The following FOXP1 variants were observed in gnomAD, a reference collection of about 807,000 sequenced individuals.
FOXP1 encodes forkhead box protein P1.
Under a neutral mutation model 98.2 loss-of-function variants are expected in FOXP1, and 15 were observed. The observed-to-expected ratio is 0.15, with a 90% CI of 0.10 to 0.24. FOXP1 has a LOEUF of 0.24. Ranked by LOEUF, FOXP1 falls within the 10% of genes least tolerant of loss-of-function variation. The pLI is 1.00. For synonymous variants in FOXP1, 371 were observed against 314.5 expected, an observed-to-expected ratio of 1.18 and a Z score of -1.90; for missense variants, 633 against 848.5, an observed-to-expected ratio of 0.75 and a Z score of 3.15.
At chr3:71,145,230 T>C (rs2060252271) in intron 6 of FOXP1, among the ~76,000 whole-genome samples, 1 of 152,146 alleles carries the variant, frequency 6.6e-6, no homozygotes, top group African/African-American at 2.4e-5. Context: ...TTTTATTTAT[T>C]TATTTTTTTT....
At chr3:71,325,468 T>C (rs1025424397) in intron 4 of FOXP1, among the ~76,000 whole-genome samples, 9 of 126,158 alleles carry the variant, frequency 7.1e-5, no homozygotes, top group African/African-American at 2.4e-4. Flanking sequence ...TATGCCATCC[T>C]TCTATGGTTT....
chr3:71,177,962 A>C (rs2062044321), intron 6 of FOXP1, among the ~76,000 whole-genome samples: 1 of 145,438 alleles, frequency 6.9e-6, no homozygotes, highest in Non-Finnish European at 1.5e-5. Context: ...CAGCCTTCCT[A>C]GTATCTGGGA....
intron 5 of FOXP1, among the ~76,000 whole-genome samples, chr3:71,232,279 C>G (rs1288814): frequency 6.6e-6 from 1 of 152,016 alleles, no homozygotes; most frequent in African/African-American, 2.4e-5. Flanking sequence ...CAAGTGCTAT[C>G]GATTATCAGT....
At chr3:71,527,953 G>A (rs560127783) in intron 2 of FOXP1, among the ~76,000 whole-genome samples, 27 of 152,290 alleles carry the variant, frequency 1.8e-4, no homozygotes, top group Admixed American at 2.0e-4. Flanking sequence ...TTTTCAGACA[G>A]CAATTCTGCA....
At chr3:71,376,901 A>G (rs1179552004) in intron 3 of FOXP1, among the ~76,000 whole-genome samples, 1 of 152,342 alleles carries the variant, frequency 6.6e-6, no homozygotes, top group Non-Finnish European at 1.5e-5. Context: ...ATAAAGAATT[A>G]TCACAATTAT....
At chr3:71,159,501 T>C (rs943939494) in intron 6 of FOXP1, among the ~76,000 whole-genome samples, 1 of 152,188 alleles carries the variant, frequency 6.6e-6, no homozygotes, top group Non-Finnish European at 1.5e-5. Context: ...TTGAGTAAGA[T>C]TCAAGAGTAA....
At chr3:71,282,659 G>A (rs953179213) in intron 5 of FOXP1, among the ~76,000 whole-genome samples, 18 of 152,194 alleles carry the variant, frequency 1.2e-4, no homozygotes, top group African/African-American at 4.1e-4. Flanking sequence ...CTCAAGATCA[G>A]AAAGCTAACA....
At chr3:71,378,222 G>C (rs1253673558) in intron 3 of FOXP1, among the ~76,000 whole-genome samples, 5 of 151,458 alleles carry the variant, frequency 3.3e-5, no homozygotes, top group Non-Finnish European at 7.4e-5. Context: ...TTTTGCCAGG[G>C]GAGGGGAAAT....
chr3:71,571,976 C>A (rs924593678), intron 2 of FOXP1: 1 of 152,188 alleles, frequency 6.6e-6, no homozygotes, highest in Non-Finnish European at 1.5e-5. Flanking sequence ...ATTTATATGG[C>A]TTTCTTACCA....
chr3:71,352,308 A>G (rs1043210279), intron 4 of FOXP1, among the ~76,000 whole-genome samples: 14 of 151,926 alleles, frequency 9.2e-5, no homozygotes, highest in Admixed American at 3.9e-4. Flanking sequence ...TCTACCAAAA[A>G]TACAAAAATT....
At chr3:71,281,039 CAAAAAAA>C (rs55640213) in intron 5 of FOXP1, among the ~76,000 whole-genome samples, 28 of 83,550 alleles carry the variant, frequency 3.4e-4, no homozygotes, top group African/African-American at 1.1e-3. Flanking sequence ...CCCTTCTCTA[CAAAAAAA>C]AAAAAAAAAA....
At chr3:71,569,444 A>G (rs2047162712) in intron 2 of FOXP1, among the ~76,000 whole-genome samples, 1 of 152,220 alleles carries the variant, frequency 6.6e-6, no homozygotes, top group African/African-American at 2.4e-5. Context: ...GCTGCCCTCA[A>G]AGAAAGAAGG....
intron 2 of FOXP1, among the ~76,000 whole-genome samples, chr3:71,501,264 C>CAAA (rs1311939903): frequency 1.4e-5 from 2 of 147,992 alleles, no homozygotes; most frequent in East Asian, 3.9e-4. Context: ...CATCACTAAT[C>CAAA]AAAAAAATCC....
chr3:71,045,023 G>C (rs548661724), intron 10 of FOXP1, among the ~76,000 whole-genome samples: 1 of 152,300 alleles, frequency 6.6e-6, no homozygotes, highest in African/African-American at 2.4e-5. Context: ...AGGTGAGGGA[G>C]TGGGGGGACA....
chr3:71,389,123 G>A (rs1489231736), intron 3 of FOXP1, among the ~76,000 whole-genome samples: 1 of 151,514 alleles, frequency 6.6e-6, no homozygotes, highest in African/African-American at 2.4e-5. Flanking sequence ...ATATCTTGAG[G>A]CAACATTCCA....
intron 2 of FOXP1, among the ~76,000 whole-genome samples, chr3:71,566,217 G>A (rs1343029275): frequency 3.9e-5 from 6 of 152,238 alleles, no homozygotes; most frequent in Non-Finnish European, 7.3e-5. Context: ...GCAAATGTGA[G>A]GTCCCTCTTC....
At chr3:71,450,444 T>C (rs1337224976) in intron 3 of FOXP1, among the ~76,000 whole-genome samples, 1 of 152,206 alleles carries the variant, frequency 6.6e-6, no homozygotes, top group Non-Finnish European at 1.5e-5. Flanking sequence ...GCCACAGAAA[T>C]TTTGATCTCA....
intron 5 of FOXP1, among the ~76,000 whole-genome samples, chr3:71,257,356 C>A (rs1426798114): frequency 2.6e-5 from 4 of 152,066 alleles, no homozygotes; most frequent in Non-Finnish European, 1.5e-5. Flanking sequence ...ATGGGCAGAT[C>A]ACCTAAGGTC....
At chr3:70,962,635 G>A (rs2033811606) in intron 20 of FOXP1, among the ~76,000 whole-genome samples, 1 of 152,170 alleles carries the variant, frequency 6.6e-6, no homozygotes, top group Non-Finnish European at 1.5e-5. Context: ...TGAAATTTAT[G>A]TTTTAGCTAT....
Sources: gnomAD v4.1 joint callset for allele counts (sites outside exome capture counted in the v4.1 genomes callset) on GRCh38, gnomAD v4.1.1 for gene constraint, MANE v1.5 for transcripts, NCBI Gene and HGNC (gene_info 2026-07-23, HGNC 2026-07-21) for gene names.